PRUNE2: variants seen among roughly 807,000 people sequenced by gnomAD.
PRUNE2 encodes protein prune homolog 2.
In PRUNE2, 164 loss-of-function variants were observed where a neutral mutation model predicts 252.0. The ratio of observed to expected loss-of-function variants is 0.65; its 90% CI spans 0.57 to 0.74. The LOEUF is 0.74. Ranked by LOEUF, PRUNE2 falls within the 30% of genes least tolerant of loss-of-function variation. The probability of loss-of-function intolerance (pLI) is 0.00; values close to 1 mark genes in which losing one functional copy is unlikely to be tolerated. For missense variants in PRUNE2, 3,495 were observed against 3,711.0 expected (o/e 0.94, Z 1.51); for synonymous variants, 1,292 against 1,350.2 (o/e 0.96, Z 0.94).
rs532456130 is a variant in PRUNE2 at position 76,705,057 on chromosome 9, T to C, written c.7217A>G (p.Gln2406Arg). The C allele has an allele frequency of 1.9e-6, 3 of 1,614,008 alleles. No homozygotes were observed. The highest frequency in any genetic ancestry group is 1.7e-5 in the Admixed American group (1 of 60,020). The change falls in exon 8 of 19, where the codon CAG becomes CGG. Residue 2406 changes from glutamine (Q) to arginine (R), a missense_variant. Transcript: ENST00000376718. ...AGCTTCCTCTATTGTTTCAGCACTCTGGGCAGGTTCTGTGAGATAAGACAA... is the reference window on the plus strand; with the variant it reads ...AGCTTCCTCTATTGTTTCAGCACTCCGGGCAGGTTCTGTGAGATAAGACAA... ...FDLSYLTEPA[Q>R]SAETIEEAGS... is the part of the protein sequence containing the mutation.
At chr9:76,839,184 C>A (rs537574255) in intron 4 of PRUNE2, among the ~76,000 whole-genome samples, 3 of 151,992 alleles carry the variant, frequency 2.0e-5, no homozygotes, top group African/African-American at 7.2e-5. Flanking sequence ...TCAATACAGT[C>A]ATAAAAATAG....
intron 6 of PRUNE2, among the ~76,000 whole-genome samples, chr9:76,812,278 T>C (rs1589359937): frequency 6.6e-6 from 1 of 152,284 alleles, no homozygotes; most frequent in East Asian, 1.9e-4. Flanking sequence ...ATGTTTTGTG[T>C]CCAAAAAGAA....
chr9:76,629,323 A>T (rs749186358), intron 15 of PRUNE2, 33 bp from the exon 16 acceptor site: 1 of 1,121,764 alleles, frequency 8.9e-7, no homozygotes, highest in South Asian at 1.4e-5. Context: ...AATATGTATC[A>T]TTAGTCACTA....
chr9:76,652,315 T>C (rs1485328675), intron 11 of PRUNE2, 168 bp downstream of exon 11: 6 of 610,218 alleles, frequency 9.8e-6, no homozygotes, highest in African/African-American at 1.8e-5. Flanking sequence ...ACCCATACTT[T>C]CTCTGTCAGG....
intron 6 of PRUNE2, chr9:76,778,382 T>G (rs915686681): frequency 4.6e-5 from 7 of 152,230 alleles, no homozygotes; most frequent in Non-Finnish European, 1.0e-4. Flanking sequence ...TTTCTCAGAC[T>G]AATTGTTTCC....
chr9:76,774,239 G>A (rs541546273), intron 6 of PRUNE2, among the ~76,000 whole-genome samples: 3 of 150,950 alleles, frequency 2.0e-5, no homozygotes, highest in East Asian at 2.0e-4. Flanking sequence ...AGGCTCAAGC[G>A]ATCCTCCCAC....
At chr9:76,798,620 T>C (rs191349059) in intron 6 of PRUNE2, among the ~76,000 whole-genome samples, 3 of 151,498 alleles carry the variant, frequency 2.0e-5, no homozygotes, top group Admixed American at 2.0e-4. Context: ...TCTAAAGTCA[T>C]TTTTGAAGTG....
chr9:76,871,219 C>CA (rs1175960659), intron 1 of PRUNE2, among the ~76,000 whole-genome samples: 1 of 151,874 alleles, frequency 6.6e-6, no homozygotes, highest in Non-Finnish European at 1.5e-5. Flanking sequence ...CAAAGAAAAA[C>CA]AAAAAAATGG....
At chr9:76,838,423 T>A (rs553658233) in intron 4 of PRUNE2, among the ~76,000 whole-genome samples, 2 of 151,722 alleles carry the variant, frequency 1.3e-5, no homozygotes, top group Non-Finnish European at 1.5e-5. Context: ...GGCAGGTGGA[T>A]CACTTGAGGC....
At position 76,652,669 on chromosome 9, in the gene PRUNE2, G is replaced by C; in HGVS notation, c.8371C>G (p.Leu2791Val). 6.2e-7 allele frequency: 1 copy of C among 1,609,420 alleles called. No individual in the cohort carries two copies. Among genetic ancestry groups the C allele is most frequent in the Non-Finnish European group, 8.5e-7 (1 of 1,175,972 alleles). Residue 2791 changes from leucine (L) to valine (V), a missense_variant, in exon 11 of 19, where the codon CTG becomes GTG. Transcript: ENST00000376718. ...CGAGGATGAGTGTCATTAAGATCCA[G>C]AGAATTAGGAGGTTCTAAAGAAGAA... ...ADMRPEPPNS[L>V]DLNDTHPRRI... is the part of the protein sequence containing the mutation.
intron 2 of PRUNE2, among the ~76,000 whole-genome samples, chr9:76,853,184 C>T (rs1345008662): frequency 6.6e-6 from 1 of 152,100 alleles, no homozygotes; most frequent in Admixed American, 6.6e-5. Context: ...GAATATTTTA[C>T]CCAGCATTTT....
At chr9:76,713,755 C>T (rs1412683775) in intron 6 of PRUNE2, 34 bp from the exon 7 acceptor site, 2 of 1,514,804 alleles carry the variant, frequency 1.3e-6, no homozygotes, top group South Asian at 2.5e-5. Flanking sequence ...ATATTAATGT[C>T]AAACTGCCCA....
At chr9:76,697,620 A>G (rs2045509333) in intron 9 of PRUNE2, among the ~76,000 whole-genome samples, 1 of 152,216 alleles carries the variant, frequency 6.6e-6, no homozygotes, top group African/African-American at 2.4e-5. Context: ...GTGCCTTTCA[A>G]CGAGATAACG....
intron 18 of PRUNE2, among the ~76,000 whole-genome samples, chr9:76,617,765 G>A (rs1003273452): frequency 1.3e-4 from 20 of 152,308 alleles, no homozygotes; most frequent in African/African-American, 3.6e-4. Context: ...ACAGCCCTAC[G>A]TAGGAATAAG....
At chr9:76,839,051 A>G (rs1395243939) in intron 4 of PRUNE2, among the ~76,000 whole-genome samples, 1 of 152,206 alleles carries the variant, frequency 6.6e-6, no homozygotes, top group Non-Finnish European at 1.5e-5. Context: ...CTTAAAGCTA[A>G]AAATAGGAGT....
intron 1 of PRUNE2, among the ~76,000 whole-genome samples, chr9:76,900,826 C>T (rs56125431): frequency 0.096 from 14,564 of 152,166 alleles, 941 homozygotes; most frequent in South Asian, 0.22. Context: ...CCCTCTACCC[C>T]CTCCCTGGAG....
chr9:76,792,157 G>A (rs928957608), intron 6 of PRUNE2, among the ~76,000 whole-genome samples: 27 of 151,668 alleles, frequency 1.8e-4, no homozygotes, highest in African/African-American at 6.3e-4. Context: ...GTGGTGGGAG[G>A]GGCCTGGTGG....
At chr9:76,842,025 C>T (rs985024067) in intron 4 of PRUNE2, among the ~76,000 whole-genome samples, 3 of 152,094 alleles carry the variant, frequency 2.0e-5, no homozygotes, top group African/African-American at 4.8e-5. Context: ...AAAAAGAACC[C>T]GTATAGCCAA....
intron 9 of PRUNE2, among the ~76,000 whole-genome samples, chr9:76,672,779 T>C (rs1222129787): frequency 1.5e-5 from 2 of 136,472 alleles, no homozygotes; most frequent in East Asian, 4.3e-4. Context: ...ACATGGAAAC[T>C]GAACAACCTG....
Sources: allele counts gnomAD v4.1 joint callset (sites outside exome capture counted in the v4.1 genomes callset), GRCh38; gene constraint gnomAD v4.1.1; transcripts MANE v1.5; gene names NCBI Gene and HGNC (gene_info 2026-07-23, HGNC 2026-07-21).